Variants in SCN10A observed in about 807,000 individuals in gnomAD.
The protein encoded by SCN10A is sodium channel protein type 10 subunit alpha.
SCN10A carries 162 observed loss-of-function variants against 170.7 expected under a neutral mutation model. The observed-to-expected ratio is 0.95, with a 90% CI of 0.84 to 1.08. The LOEUF (loss-of-function observed/expected upper bound fraction) is 1.08. SCN10A is among the 50% of genes least tolerant of loss of function. The pLI, the probability that SCN10A is intolerant of heterozygous loss-of-function variation, is 0.00. For missense variants in SCN10A, 2,527 were observed against 2,436.9 expected, an observed-to-expected ratio of 1.04 and a Z score of -0.78; for synonymous variants, 985 against 904.6, an observed-to-expected ratio of 1.09 and a Z score of -1.59.
Position 38,742,504 on chromosome 3 carries a change from G to A in SCN10A, c.1893C>T (p.Cys631=). ...LEELEESEQK[C]PPCLTSLSQK... ...GAGACAAGCTGGTCAAGCAGGGTGG[G>A]CACTTCTGTTCAGACTCCTCGAGTT... The change falls in exon 14 of 28, where the codon TGC becomes TGT. Residue 631 remains cysteine, a synonymous_variant. Coordinates refer to ENST00000449082, the MANE Select transcript of SCN10A (RefSeq NM_006514.4). The A allele has an allele frequency of 1.2e-6, 2 of 1,614,136 alleles. No individual in the cohort carries two copies. The highest frequency in any genetic ancestry group is 2.2e-5 in the South Asian group (2 of 91,076).
intron 15 of SCN10A, among the ~76,000 whole-genome samples, chr3:38,736,391 G>GTA (rs2063561133): frequency 6.7e-6 from 1 of 148,640 alleles, no homozygotes; most frequent in Non-Finnish European, 1.5e-5. Context: ...GTGTGTGTGT[G>GTA]TGTGTGTGTG....
In SCN10A at chr3:38,752,383, C is replaced by T. The variant is rs866716316; in HGVS notation, c.1591G>A (p.Glu531Lys). Residue 531 changes from glutamate to lysine, a missense_variant, in exon 12 of 28, where the codon GAA becomes AAA. Coordinates refer to ENST00000449082, the MANE Select transcript of SCN10A (RefSeq NM_006514.4). ...TDDGVFPGDH[E>K]SHRGSLLLGG... ...AGCAGCAGAGAGCCCCGATGGCTTT[C>T]GTGGTCTCCAGGAAAGACTCCATCA... is the stretch of plus-strand genomic sequence containing the variant. The T allele has an allele frequency of 1.1e-5, 17 of 1,613,962 alleles. No individual in the cohort carries two copies. Among genetic ancestry groups the T allele is most frequent in the Middle Eastern group, 1.6e-4 (1 of 6,062 alleles).
Position 38,756,870 on chromosome 3 carries a change from G to T in SCN10A, c.1094C>A (p.Thr365Asn), listed in dbSNP as rs754960592. The T allele has an allele frequency of 6.2e-6, 10 of 1,613,978 alleles. No homozygotes were observed. The highest frequency in any genetic ancestry group is 8.5e-6 in the Non-Finnish European group (10 of 1,179,984). Residue 365 changes from threonine (T) to asparagine (N), a missense_variant and splice_region_variant, in exon 10 of 28, where the codon ACC becomes AAC. Transcript: ENST00000449082. ...ATAGATTTTCCCAGAAGTCCTCAGGGTCTGCAGGTTCAAGGGAAAGAAGAG... is the reference window on the plus strand; with the variant it reads ...ATAGATTTTCCCAGAAGTCCTCAGGTTCTGCAGGTTCAAGGGAAAGAAGAG... Reference protein sequence around the residue: ...QDSWERLYQQTLRTSGKIYMI... With the variant: ...QDSWERLYQQNLRTSGKIYMI...
chr3:38,798,069 T>A (rs775527973), intron 1 of SCN10A, among the ~76,000 whole-genome samples: 6 of 152,194 alleles, frequency 3.9e-5, no homozygotes, highest in Non-Finnish European at 8.8e-5. Context: ...TTACCCAGTG[T>A]CTTTACATGA....
At chr3:38,701,716 G>T in intron 27 of SCN10A, 123 bp downstream of exon 27, 1 of 882,466 alleles carries the variant, frequency 1.1e-6, no homozygotes, top group Non-Finnish European at 1.7e-6. Context: ...TGCAAATACA[G>T]GGTTCTTCTA....
intron 27 of SCN10A, among the ~76,000 whole-genome samples, chr3:38,699,753 A>G (rs1398836570): frequency 6.6e-6 from 1 of 152,198 alleles, no homozygotes; most frequent in Non-Finnish European, 1.5e-5. Flanking sequence ...ACTGGTCTAC[A>G]GCACATTTTA....
intron 12 of SCN10A, among the ~76,000 whole-genome samples, chr3:38,751,538 G>A (rs148639634): frequency 1.1e-3 from 164 of 152,278 alleles, no homozygotes; most frequent in African/African-American, 2.0e-3. Flanking sequence ...CTGCAATTGC[G>A]CTGTATCCCT....
intron 20 of SCN10A, among the ~76,000 whole-genome samples, chr3:38,721,892 C>T (rs1263104854): frequency 6.6e-6 from 1 of 152,166 alleles, no homozygotes; most frequent in Non-Finnish European, 1.5e-5. Flanking sequence ...GGGTGGGAAG[C>T]CAGGGGCTTC....
chr3:38,812,344 G>A (rs552478425), intron 1 of SCN10A, among the ~76,000 whole-genome samples: 1 of 152,140 alleles, frequency 6.6e-6, no homozygotes, highest in African/African-American at 2.4e-5. Context: ...GAAGGTCATA[G>A]CCTATTGGAG....
chr3:38,747,963 G>A (rs969709796), intron 13 of SCN10A, among the ~76,000 whole-genome samples: 5 of 152,036 alleles, frequency 3.3e-5, no homozygotes, highest in African/African-American at 1.2e-4. Flanking sequence ...GATTCCATGA[G>A]CGCAAGCTTA....
At chr3:38,737,270 T>C (rs190147347) in intron 15 of SCN10A, among the ~76,000 whole-genome samples, 24 of 151,418 alleles carry the variant, frequency 1.6e-4, no homozygotes, top group African/African-American at 5.9e-4. Flanking sequence ...GCGCCCAGCC[T>C]CGTATTTTAT....
intron 3 of SCN10A, 56 bp from the exon 4 acceptor site, chr3:38,789,092 T>A: frequency 4.2e-6 from 4 of 951,614 alleles, no homozygotes; most frequent in African/African-American, 1.6e-5. Flanking sequence ...TGATGTCATC[T>A]AGGATCACCT....
rs539737713 is a variant in SCN10A at position 38,766,563 on chromosome 3, C to T, written c.600-2967G>A. ...TATTGACTTGTGTATGTTAAATCATCCCTACCTCCCTGGTATGAAACCCCC... is the reference window on the plus strand; with the variant it reads ...TATTGACTTGTGTATGTTAAATCATTCCTACCTCCCTGGTATGAAACCCCC... On this transcript the variant is annotated intron_variant, in intron 5 of 27. Transcript: ENST00000449082. 6.6e-5 allele frequency among the ~76,000 whole-genome samples: 10 copies of T among 152,256 alleles called. No individual in the cohort carries two copies. The East Asian group carries it at 1.9e-3, about 29-fold the overall frequency.
intron 11 of SCN10A, 48 bp downstream of exon 11, chr3:38,755,740 C>A: frequency 6.2e-7 from 1 of 1,604,530 alleles, no homozygotes; most frequent in South Asian, 1.1e-5. Flanking sequence ...TTGTCTACGG[C>A]AGCTGCAATG....
intron 15 of SCN10A, among the ~76,000 whole-genome samples, chr3:38,737,827 TC>T (rs879584087): frequency 0.048 from 6,397 of 132,584 alleles, 212 homozygotes; most frequent in East Asian, 0.11. Flanking sequence ...TTTCTTTCTT[TC>T]TTTCTCTTTC....
chr3:38,807,469 C>T (rs1333073259), intron 1 of SCN10A, among the ~76,000 whole-genome samples: 2 of 152,108 alleles, frequency 1.3e-5, no homozygotes, highest in Non-Finnish European at 2.9e-5. Context: ...TCCAGATAAA[C>T]TTTTATACTT....
chr3:38,792,202 A>T lies in SCN10A; in HGVS notation c.271-34T>A. ...AAACAAAACAGAAAGTGGACCTCCAATGAGAAACAAGATTCCTTATACAAC... is the reference window on the plus strand; with the variant it reads ...AAACAAAACAGAAAGTGGACCTCCATTGAGAAACAAGATTCCTTATACAAC... On this transcript the variant is annotated intron_variant, in intron 2 of 27. Coordinates refer to ENST00000449082, the MANE Select transcript of SCN10A (RefSeq NM_006514.4). 4 of 1,609,448 alleles carry T rather than the reference A, an allele frequency of 2.5e-6. No homozygotes were observed. In the South Asian group the frequency reaches 3.3e-5, roughly 13 times the overall value.
At chr3:38,803,811 C>G (rs1383430573) in intron 1 of SCN10A, among the ~76,000 whole-genome samples, 1 of 151,840 alleles carries the variant, frequency 6.6e-6, no homozygotes, top group Non-Finnish European at 1.5e-5. Context: ...AAAAACAAAA[C>G]CTTTTAAATT....
chr3:38,756,664 C>T lies in SCN10A; in HGVS notation c.1290+10G>A, dbSNP rs747230718. On this transcript the variant is annotated intron_variant, in intron 10 of 27. Transcript: ENST00000449082. ...CAACCTTCTTCACAAAGCTTCCACT[C>T]CTCACAAACCTCCTGCTCCTTCCGG... is the stretch of plus-strand genomic sequence containing the variant. 3 of 1,610,734 alleles carry T rather than the reference C, an allele frequency of 1.9e-6. No individual in the cohort carries two copies. The Admixed American group carries it at 5.0e-5, about 27-fold the overall frequency.
Sources: gnomAD v4.1 joint callset for allele counts (sites outside exome capture counted in the v4.1 genomes callset) on GRCh38, gnomAD v4.1.1 for gene constraint, MANE v1.5 for transcripts, NCBI Gene and HGNC (gene_info 2026-07-23, HGNC 2026-07-21) for gene names.